The following FRMPD3 variants were observed in gnomAD, a reference collection of about 807,000 sequenced individuals.
FRMPD3 encodes FERM and PDZ domain containing 3, also known as FERM and PDZ domain-containing protein 3.
In FRMPD3, 42 loss-of-function variants were observed where a neutral mutation model predicts 97.9. The ratio of observed to expected loss-of-function variants is 0.43; its 90% CI spans 0.34 to 0.55. FRMPD3 has a LOEUF of 0.55. Ranked by LOEUF, FRMPD3 falls within the 20% of genes least tolerant of loss-of-function variation. The pLI is 0.03. For synonymous variants in FRMPD3, 577 were observed against 581.1 expected (o/e 0.99, Z 0.10); for missense variants, 1,303 against 1,457.7 (o/e 0.89, Z 1.73).
chrX:107,600,940 G>C lies in FRMPD3; in HGVS notation c.2901G>C (p.Lys967Asn). Reference protein sequence around the residue: ...SAALQQVVHNKSLVTAGGALG... With the variant: ...SAALQQVVHNNSLVTAGGALG... ...CCCTACAGCAAGTGGTTCACAATAA[G>C]AGTCTAGTCACTGCTGGTGGGGCTT... The change falls in exon 15 of 15, where the codon AAG becomes AAC. Residue 967 changes from lysine (K) to asparagine (N), a missense_variant. Physicochemically the swap from Lys to Asn is moderately conservative, Grantham distance 94 (BLOSUM62 0). Around this residue, in one of 3 missense-constraint regions of FRMPD3, gnomAD observed 764 missense variants for 820.2 expected, o/e 0.93. Transcript: ENST00000683843. 8.3e-7 allele frequency: 1 copy of C among 1,209,585 alleles called. No individual in the cohort carries two copies. Among genetic ancestry groups the C allele is most frequent in the East Asian group, 3.0e-5 (1 of 33,788 alleles).
At chrX:107,553,390 G>A (rs1333391608) in intron 7 of FRMPD3, among the ~76,000 whole-genome samples, 6 of 106,981 alleles carry the variant, frequency 5.6e-5, no homozygotes, top group African/African-American at 6.8e-5. Context: ...AAAAATAGGC[G>A]GCATGTCACC....
Position 107,565,058 on chromosome X carries a change from G to A in FRMPD3, c.1288G>A (p.Asp430Asn). ...GGCCCGGGTGGAGACCAGCATCATG[G>A]ATGCCAAGGTAAGCCCTGCTTTGAG... ...GVARVETSIM[D>N]AKPLVLLMEW... Residue 430 changes from aspartate to asparagine, a missense_variant, in exon 12 of 15, where the codon GAT (aspartate) becomes AAT (asparagine). Around this residue, in one of 3 missense-constraint regions of FRMPD3, gnomAD observed 535 missense variants for 618.6 expected, o/e 0.86. Transcript: ENST00000683843. The A allele has an allele frequency of 8.5e-7, 1 of 1,182,514 alleles. No individual in the cohort carries two copies. The highest frequency in any genetic ancestry group is 1.9e-5 in the South Asian group (1 of 51,713).
rs773948156 is a variant in FRMPD3, at chrX:107,602,321, G to A, written c.4282G>A (p.Val1428Ile). 53 of 1,208,558 alleles carry A rather than the reference G, an allele frequency of 4.4e-5. No individual in the cohort carries two copies. The highest frequency in any genetic ancestry group is 5.8e-5 in the Non-Finnish European group (52 of 894,743). Reference sequence around the variant, plus strand: ...CATGCTGCCCAGGGAGGCCAAGGAGGTAGAGGCAAGCCTCCCCATAGCCTT... The same window carrying A: ...CATGCTGCCCAGGGAGGCCAAGGAGATAGAGGCAAGCCTCCCCATAGCCTT... ...LGMLPREAKEVEASLPIALGP... is the reference protein window; with the variant it reads ...LGMLPREAKEIEASLPIALGP... Residue 1428 changes from valine (V) to isoleucine (I), a missense_variant, in exon 15 of 15, where the codon GTA (valine) becomes ATA (isoleucine). Physicochemically the swap from Val to Ile is conservative, Grantham distance 29. Transcript: ENST00000683843.
intron 1 of FRMPD3, among the ~76,000 whole-genome samples, chrX:107,520,514 G>C (rs1407457810): frequency 9.1e-6 from 1 of 109,810 alleles, no homozygotes; most frequent in Non-Finnish European, 1.9e-5. Context: ...ACAAAAATTA[G>C]CCAGGCATGG....
intron 1 of FRMPD3, among the ~76,000 whole-genome samples, chrX:107,518,993 C>T (rs1225099751): frequency 8.9e-6 from 1 of 112,003 alleles, no homozygotes; most frequent in Non-Finnish European, 1.9e-5. Flanking sequence ...TCGTATGATT[C>T]CTCTTATATG....
chrX:107,511,703 A>G (rs1201081775), intron 1 of FRMPD3, among the ~76,000 whole-genome samples: 1 of 112,829 alleles, frequency 8.9e-6, no homozygotes, highest in Non-Finnish European at 1.9e-5. Flanking sequence ...TGGCTGCTGG[A>G]GGCAGCTACT....
In FRMPD3 at chrX:107,530,475, G is replaced by A. The variant is rs1473128284; in HGVS notation, c.215G>A (p.Ser72Asn). 1 of 1,193,879 alleles carries A rather than the reference G, an allele frequency of 8.4e-7. No homozygotes were observed. Among genetic ancestry groups the A allele is most frequent in the African/African-American group, 1.8e-5 (1 of 56,970 alleles). ...QIVAINEEDV[S>N]EAPRERLIEL... ...GTGGCTATTAATGAGGAAGACGTGA[G>A]TGAAGCCCCGAGGGAGAGACTCATA... Residue 72 changes from serine (S) to asparagine (N), a missense_variant, in exon 3 of 15, where the codon AGT becomes AAT. Physicochemically the swap from Ser to Asn is conservative, Grantham distance 46. Coordinates refer to ENST00000683843, the MANE Select transcript of FRMPD3 (RefSeq NM_001388459.1).
chrX:107,472,810 C>T (rs918950677), intron 1 of FRMPD3, among the ~76,000 whole-genome samples: 2 of 112,467 alleles, frequency 1.8e-5, no homozygotes, highest in African/African-American at 6.5e-5. Flanking sequence ...GATTTTGTGA[C>T]TTAGGGCAAG....
At chrX:107,450,865 C>A (rs960406721) in intron 1 of FRMPD3, among the ~76,000 whole-genome samples, 3 of 98,595 alleles carry the variant, frequency 3.0e-5, no homozygotes, top group Non-Finnish European at 6.1e-5. Flanking sequence ...CCTGCTGCTT[C>A]CCCCCAATAC....
At chrX:107,510,106 A>C (rs1381808930) in intron 1 of FRMPD3, among the ~76,000 whole-genome samples, 1 of 111,814 alleles carries the variant, frequency 8.9e-6, no homozygotes, top group Non-Finnish European at 1.9e-5. Context: ...GAAAGAAAAA[A>C]ATAAAACAAA....
At chrX:107,553,850 GA>G (rs758617374) in intron 7 of FRMPD3, among the ~76,000 whole-genome samples, 194 of 111,789 alleles carry the variant, frequency 1.7e-3, no homozygotes, top group Non-Finnish European at 3.0e-3. Context: ...TTTTTATTAT[GA>G]AAACTTTCAC....
At position 107,597,593 on chromosome X, in the gene FRMPD3, G is replaced by T; in HGVS notation, c.1714G>T (p.Gly572Cys). Residue 572 changes from glycine (G) to cysteine (C), a missense_variant, in exon 14 of 15, where the codon GGT (glycine) becomes TGT (cysteine). Physicochemically the swap from Gly to Cys is radical, Grantham distance 159 (BLOSUM62 -3). This residue lies in a region of FRMPD3 where 535 missense variants were observed against 618.6 expected (regional missense o/e 0.86). Transcript: ENST00000683843. ...SDPTSKSSGQ[G>C]YEVVPDDFDA... ...CCCCACATCCAAAAGCTCTGGCCAA[G>T]GTTATGAGGTAGTCCCTGATGACTT... 1.7e-6 allele frequency: 2 copies of T among 1,210,932 alleles called. No homozygotes were observed. Among genetic ancestry groups the T allele is most frequent in the African/African-American group, 3.5e-5 (2 of 57,849 alleles).
intron 3 of FRMPD3, among the ~76,000 whole-genome samples, 187 bp from the exon 4 acceptor site, chrX:107,533,318 T>C (rs1923057651): frequency 8.9e-6 from 1 of 111,908 alleles, no homozygotes; most frequent in Non-Finnish European, 1.9e-5. Context: ...TGTGAATTAA[T>C]ATGGATGGTT....
At chrX:107,593,658 TC>T (rs1287285895) in intron 13 of FRMPD3, among the ~76,000 whole-genome samples, 6 of 111,772 alleles carry the variant, frequency 5.4e-5, no homozygotes, top group Admixed American at 1.9e-4. Flanking sequence ...GGGTGTCCTT[TC>T]CCCACTTTAT....
At chrX:107,579,686 A>C (rs190088559) in intron 13 of FRMPD3, among the ~76,000 whole-genome samples, 1 of 111,760 alleles carries the variant, frequency 8.9e-6, no homozygotes, top group African/African-American at 3.2e-5. Flanking sequence ...GAAAAATGCC[A>C]GTTCTCTATC....
Position 107,523,494 on chromosome X carries a change from T to C in FRMPD3, c.-7-3088T>C, listed in dbSNP as rs193054631. Among the ~76,000 whole-genome samples, 664 of 112,045 alleles carry C rather than the reference T, an allele frequency of 5.9e-3. 3 individuals carry two copies. The highest frequency in any genetic ancestry group is 0.02 in the African/African-American group (619 of 30,819). The stretch of plus-strand genomic sequence containing the variant: ...GCCCTTTCTTGGCCAGTGAGTACAA[T>C]CCCCACTTCCTCCATGGAGTCTTCT... On this transcript the variant is annotated intron_variant, in intron 1 of 14. Coordinates refer to ENST00000683843, the MANE Select transcript of FRMPD3 (RefSeq NM_001388459.1).
intron 12 of FRMPD3, among the ~76,000 whole-genome samples, chrX:107,572,914 A>C (rs188778282): frequency 0.033 from 3,063 of 92,836 alleles, 55 homozygotes; most frequent in African/African-American, 0.072. Context: ...ACTACTAATA[A>C]TAATAATAAT....
At chrX:107,460,592 A>G (rs1931453579) in intron 1 of FRMPD3, among the ~76,000 whole-genome samples, 1 of 110,776 alleles carries the variant, frequency 9.0e-6, no homozygotes, top group Non-Finnish European at 1.9e-5. Context: ...AGCTCTCACT[A>G]TGTTGCCCAG....
intron 1 of FRMPD3, among the ~76,000 whole-genome samples, chrX:107,461,669 C>G (rs1204337770): frequency 9.0e-6 from 1 of 110,764 alleles, no homozygotes; most frequent in East Asian, 2.8e-4. Flanking sequence ...GCTCAAGAAC[C>G]TATAATAGTG....
Sources: allele counts gnomAD v4.1 joint callset (sites outside exome capture counted in the v4.1 genomes callset), GRCh38; gene constraint gnomAD v4.1.1; regional missense constraint gnomAD v4.1.1; transcripts MANE v1.5; gene names NCBI Gene and HGNC (gene_info 2026-07-23, HGNC 2026-07-21).